The following DACH1 variants were observed in gnomAD, a reference collection of about 807,000 sequenced individuals.
DACH1 encodes dachshund homolog 1.
DACH1 carries 12 observed loss-of-function variants against 54.2 expected under a neutral mutation model. The observed-to-expected ratio is 0.22, with a 90% CI of 0.14 to 0.36. The LOEUF (loss-of-function observed/expected upper bound fraction) is 0.36, where lower values mean the gene tolerates loss of function less well. Among genes scored for constraint, DACH1 ranks in the 10% least tolerant of loss-of-function variants. DACH1 has a pLI of 1.00. For missense variants in DACH1, 805 were observed against 929.8 expected, an observed-to-expected ratio of 0.87 and a Z score of 1.75; for synonymous variants, 386 against 366.2, an observed-to-expected ratio of 1.05 and a Z score of -0.62.
chr13:71,750,076 G>T (rs182493070), intron 1 of DACH1, among the ~76,000 whole-genome samples: 1 of 152,104 alleles, frequency 6.6e-6, no homozygotes, highest in South Asian at 2.1e-4. Flanking sequence ...CAAAAATTCT[G>T]TCACATTCAC....
At chr13:71,560,380 T>C (rs1036964201) in intron 4 of DACH1, among the ~76,000 whole-genome samples, 6 of 152,238 alleles carry the variant, frequency 3.9e-5, no homozygotes, top group African/African-American at 1.4e-4. Flanking sequence ...ATTATCAACA[T>C]GACTGACCAT....
chr13:71,662,383 G>A (rs981299284), intron 2 of DACH1, among the ~76,000 whole-genome samples: 2 of 151,944 alleles, frequency 1.3e-5, no homozygotes, highest in Non-Finnish European at 2.9e-5. Context: ...AAACATACAA[G>A]ACTGTCACCT....
chr13:71,479,327 A>G lies in DACH1; in HGVS notation c.1723-11T>C, dbSNP rs1319924461. The G allele has an allele frequency of 6.2e-7, 1 of 1,600,122 alleles. No individual in the cohort carries two copies. Among genetic ancestry groups the G allele is most frequent in the South Asian group, 1.1e-5 (1 of 87,622 alleles). On this transcript the variant is annotated splice_polypyrimidine_tract_variant and intron_variant, in intron 7 of 10. Transcript: ENST00000613252. ...AACTTTCAACAGCCCCTGTACAAAG[A>G]AGATATTCGGAATGGTAATATTTTA...
At chr13:71,445,505 T>C (rs1874372578) in intron 10 of DACH1, among the ~76,000 whole-genome samples, 4 of 152,306 alleles carry the variant, frequency 2.6e-5, no homozygotes, top group African/African-American at 9.6e-5. Flanking sequence ...AGCTATAAAA[T>C]AGACCCCACC....
chr13:71,798,961 G>A lies in DACH1; in HGVS notation c.848+66961C>T, dbSNP rs535758421. The stretch of plus-strand genomic sequence containing the variant: ...GAGAGCTCTCTCCTCTGTTGTTTTA[G>A]TAGCTTTTTTCCAACTGTTTGTTTA... On this transcript the variant is annotated intron_variant, in intron 1 of 10. Transcript: ENST00000613252. 1.2e-3 allele frequency among the ~76,000 whole-genome samples: 181 copies of A among 152,194 alleles called. 1 individual carries two copies. The highest frequency in any genetic ancestry group is 2.5e-3 in the South Asian group (12 of 4,820).
intron 1 of DACH1, among the ~76,000 whole-genome samples, chr13:71,840,553 T>G (rs1327154502): frequency 1.3e-5 from 2 of 152,000 alleles, no homozygotes; most frequent in Non-Finnish European, 2.9e-5. Flanking sequence ...AAAAATAACA[T>G]TTTTTTTCAC....
chr13:71,477,751 G>T (rs1472514898), intron 8 of DACH1, among the ~76,000 whole-genome samples: 1 of 152,060 alleles, frequency 6.6e-6, no homozygotes, highest in Non-Finnish European at 1.5e-5. Flanking sequence ...CTTTGCCATT[G>T]ACCGCTCACA....
intron 1 of DACH1, among the ~76,000 whole-genome samples, chr13:71,774,419 C>T (rs1469520773): frequency 6.6e-6 from 1 of 152,156 alleles, no homozygotes; most frequent in Non-Finnish European, 1.5e-5. Flanking sequence ...TGACTCTCTT[C>T]ATCTGCAGCC....
rs376247253 is a variant in DACH1 at position 71,588,354 on chromosome 13, T to C, written c.1127-15342A>G. ...TTCTGTTCACACAACTTCTCTACTT[T>C]AGTTTGTACAATTACTAATAAAAAC... On this transcript the variant is annotated intron_variant, in intron 3 of 10. Coordinates refer to ENST00000613252, the MANE Select transcript of DACH1 (RefSeq NM_080759.6). 2.0e-5 allele frequency among the ~76,000 whole-genome samples: 3 copies of C among 152,224 alleles called. 1 individual carries two copies. The highest frequency in any genetic ancestry group is 7.2e-5 in the African/African-American group (3 of 41,562).
intron 1 of DACH1, among the ~76,000 whole-genome samples, chr13:71,859,212 C>CA (rs1874196234): frequency 6.6e-6 from 1 of 151,734 alleles, no homozygotes; most frequent in Non-Finnish European, 1.5e-5. Context: ...AAAAGGACCA[C>CA]ACCTTTAACA....
intron 1 of DACH1, among the ~76,000 whole-genome samples, chr13:71,774,845 T>A (rs922636459): frequency 4.6e-5 from 7 of 152,120 alleles, no homozygotes; most frequent in African/African-American, 1.7e-4. Context: ...TCATTTTCTA[T>A]GAAACTAAAT....
At chr13:71,706,592 C>A (rs976684009) in intron 1 of DACH1, among the ~76,000 whole-genome samples, 2 of 152,196 alleles carry the variant, frequency 1.3e-5, no homozygotes, top group Non-Finnish European at 2.9e-5. Flanking sequence ...GATTTCTTCA[C>A]GAATATGAAC....
intron 3 of DACH1, among the ~76,000 whole-genome samples, chr13:71,588,839 G>C (rs532254621): frequency 6.6e-6 from 1 of 151,690 alleles, no homozygotes; most frequent in Admixed American, 6.6e-5. Flanking sequence ...TTTTTCTATA[G>C]TTATCTGCCA....
chr13:71,520,586 T>C (rs1374540362), intron 6 of DACH1, among the ~76,000 whole-genome samples: 1 of 151,438 alleles, frequency 6.6e-6, no homozygotes, highest in African/African-American at 2.4e-5. Flanking sequence ...TCAAAATAAA[T>C]AGTTTAAGTA....
chr13:71,866,471 C>A lies in DACH1; in HGVS notation c.299G>T (p.Gly100Val). 4 of 1,256,000 alleles carry A rather than the reference C, an allele frequency of 3.2e-6. No homozygotes were observed. Among genetic ancestry groups the A allele is most frequent in the Non-Finnish European group, 4.0e-6 (4 of 997,778 alleles). The allele number at this position is 1,256,000 out of a possible 1,614,324, so 77.8% of individuals were successfully genotyped here. A position where few individuals can be genotyped will look rare whatever the true frequency, so the allele number is the denominator to read the frequency against. ...GNGGGGGGGG[G>V]GSNCNPNLAA... ...CAGGTTGGGGTTGCAGTTGCTGCCA[C>A]CGCCGCCGCCGCCACCGCCGCCTCC... Residue 100 changes from glycine (G) to valine (V), a missense_variant, in exon 1 of 11, where the codon GGT (glycine) becomes GTT (valine). Physicochemically the swap from Gly to Val is moderately radical, Grantham distance 109. Around this residue, in one of 3 missense-constraint regions of DACH1, gnomAD observed 305 missense variants for 308.7 expected, o/e 0.99. Coordinates refer to ENST00000613252, the MANE Select transcript of DACH1 (RefSeq NM_080759.6).
At chr13:71,668,559 G>C (rs140028016) in intron 2 of DACH1, among the ~76,000 whole-genome samples, 2,106 of 151,510 alleles carry the variant, frequency 0.014, 34 homozygotes, top group African/African-American at 0.034. Context: ...TGACATAAGA[G>C]AACTGTATCA....
chr13:71,825,642 T>C (rs1178237691), intron 1 of DACH1, among the ~76,000 whole-genome samples: 1 of 152,132 alleles, frequency 6.6e-6, no homozygotes, highest in South Asian at 2.1e-4. Context: ...CTTTATTTCT[T>C]ATTAATACCG....
intron 6 of DACH1, among the ~76,000 whole-genome samples, chr13:71,534,829 G>GA (rs1246082740): frequency 1.3e-5 from 2 of 151,642 alleles, no homozygotes; most frequent in African/African-American, 4.8e-5. Context: ...AAAACAAGTT[G>GA]AAATTTATCA....
At chr13:71,486,393 T>G (rs908450438) in intron 7 of DACH1, among the ~76,000 whole-genome samples, 8 of 152,148 alleles carry the variant, frequency 5.3e-5, no homozygotes, top group African/African-American at 1.9e-4. Flanking sequence ...TTACCCATAT[T>G]AGAATTTGGA....
Sources: gnomAD v4.1 joint callset for allele counts (sites outside exome capture counted in the v4.1 genomes callset) on GRCh38, gnomAD v4.1.1 for gene constraint, gnomAD v4.1.1 regional missense constraint, MANE v1.5 for transcripts, NCBI Gene and HGNC (gene_info 2026-07-23, HGNC 2026-07-21) for gene names.